SLIT3: variants seen among roughly 807,000 people sequenced by gnomAD.
SLIT3 encodes slit guidance ligand 3, also known as slit homolog 3 protein.
In SLIT3, 68 loss-of-function variants were observed where a neutral mutation model predicts 184.0. That is an observed-to-expected ratio of 0.37 (90% CI 0.30 to 0.45). SLIT3 has a LOEUF of 0.45. Among genes scored for constraint, SLIT3 ranks in the 20% least tolerant of loss-of-function variants. The pLI is 1.00. For missense variants in SLIT3, 1,707 were observed against 2,026.0 expected, an observed-to-expected ratio of 0.84 and a Z score of 3.02; for synonymous variants, 831 against 828.6, an observed-to-expected ratio of 1.00 and a Z score of -0.05.
chr5:168,987,744 C>A (rs1398895466), intron 4 of SLIT3, among the ~76,000 whole-genome samples: 2 of 152,250 alleles, frequency 1.3e-5, no homozygotes, highest in Admixed American at 6.5e-5. Context: ...CACATTCCCA[C>A]TCATGGCCAC....
At chr5:169,010,909 CAAAA>C (rs532475548) in intron 4 of SLIT3, among the ~76,000 whole-genome samples, 29 of 68,342 alleles carry the variant, frequency 4.2e-4, no homozygotes, top group Non-Finnish European at 9.0e-4. Flanking sequence ...ACTCTGTTTC[CAAAA>C]AAAAAAAAAA....
At chr5:169,090,733 C>G (rs1010665416) in intron 4 of SLIT3, among the ~76,000 whole-genome samples, 4 of 152,204 alleles carry the variant, frequency 2.6e-5, no homozygotes, top group Non-Finnish European at 4.4e-5. Context: ...GAAGACAAGA[C>G]AGAGGCCGGA....
chr5:168,701,699 G>A (rs889555155), intron 26 of SLIT3, among the ~76,000 whole-genome samples: 2 of 152,220 alleles, frequency 1.3e-5, no homozygotes, highest in Admixed American at 1.3e-4. Context: ...TTGGCATGGA[G>A]TCCCTTACAG....
intron 12 of SLIT3, among the ~76,000 whole-genome samples, chr5:168,774,837 G>A (rs150732287): frequency 6.6e-6 from 1 of 152,196 alleles, no homozygotes; most frequent in Non-Finnish European, 1.5e-5. Context: ...GAAATCTGAT[G>A]AAAGTTATAT....
At chr5:168,811,461 C>T (rs370836544) in intron 8 of SLIT3, among the ~76,000 whole-genome samples, 1 of 152,324 alleles carries the variant, frequency 6.6e-6, no homozygotes, top group South Asian at 2.1e-4. Flanking sequence ...TTTCTGTCTG[C>T]TCTGCCAAAA....
intron 25 of SLIT3, among the ~76,000 whole-genome samples, chr5:168,709,728 G>A (rs1016507548): frequency 2.0e-5 from 3 of 147,694 alleles, no homozygotes; most frequent in African/African-American, 8.1e-5. Context: ...AAGCCTCTCA[G>A]AGATGAGCAA....
chr5:169,087,424 G>A (rs76457328), intron 4 of SLIT3, among the ~76,000 whole-genome samples: 1 of 152,198 alleles, frequency 6.6e-6, no homozygotes, highest in Non-Finnish European at 1.5e-5. Context: ...TTGTAGGGAT[G>A]TGAGGCAGTG....
intron 4 of SLIT3, among the ~76,000 whole-genome samples, chr5:169,094,543 T>C (rs1001180732): frequency 6.6e-6 from 1 of 152,162 alleles, no homozygotes; most frequent in Admixed American, 6.5e-5. Flanking sequence ...GGCAGGAGAA[T>C]AGCTTGAGCC....
intron 4 of SLIT3, among the ~76,000 whole-genome samples, chr5:168,914,844 T>G (rs1388415507): frequency 6.6e-6 from 1 of 152,116 alleles, no homozygotes. Context: ...ACATGCCCCA[T>G]CTGAGGATGG....
At position 168,684,046 on chromosome 5, in the gene SLIT3, G is replaced by T. The variant is rs747302161; in HGVS notation, c.3606C>A (p.Asp1202Glu). 1 of 1,607,936 alleles carries T rather than the reference G, an allele frequency of 6.2e-7. No homozygotes were observed. The highest frequency in any genetic ancestry group is 1.3e-5 in the African/African-American group (1 of 74,636). Residue 1202 changes from aspartate to glutamate, a missense_variant, in exon 32 of 36, where the codon GAC becomes GAA. Around this residue, in one of 3 missense-constraint regions of SLIT3, gnomAD observed 387 missense variants for 477.9 expected, o/e 0.81. Coordinates refer to ENST00000519560, the MANE Select transcript of SLIT3 (RefSeq NM_003062.4). ...NGILLYKGDN[D>E]PLALELYQGH... The stretch of plus-strand genomic sequence containing the variant: ...CCTGGTACAGCTCCAGTGCCAGGGG[G>T]TCATTGTCTCCTTTGTAGAGAAGGA...
chr5:168,866,373 A>G (rs1759301721), intron 5 of SLIT3, among the ~76,000 whole-genome samples: 1 of 152,204 alleles, frequency 6.6e-6, no homozygotes, highest in Non-Finnish European at 1.5e-5. Flanking sequence ...ACATTCTCCA[A>G]TCCACTGTCA....
In SLIT3 at chr5:168,750,444, G is replaced by A. The variant is rs528715125; in HGVS notation, c.1974-809C>T. 1.1e-4 allele frequency among the ~76,000 whole-genome samples: 17 copies of A among 152,320 alleles called. No homozygotes were observed. In the South Asian group the frequency reaches 1.9e-3, roughly 17 times the overall value. Reference sequence around the variant, plus strand: ...TGAAGCTTGGGGAGCTTATTTAAGCGGGACAGACAGCCCTTGAGTGGCTGT... The same window carrying A: ...TGAAGCTTGGGGAGCTTATTTAAGCAGGACAGACAGCCCTTGAGTGGCTGT... On this transcript the variant is annotated intron_variant, in intron 18 of 35. Coordinates refer to ENST00000519560, the MANE Select transcript of SLIT3 (RefSeq NM_003062.4).
chr5:169,219,020 G>C (rs1480539864), intron 3 of SLIT3, among the ~76,000 whole-genome samples: 5 of 152,174 alleles, frequency 3.3e-5, no homozygotes, highest in Admixed American at 3.3e-4. Context: ...GTTCAAGACA[G>C]ACAAGATTAG....
chr5:169,280,506 G>A (rs909112646), intron 1 of SLIT3, among the ~76,000 whole-genome samples: 16 of 152,192 alleles, frequency 1.1e-4, no homozygotes, highest in African/African-American at 3.9e-4. Flanking sequence ...GTGGGAGTGT[G>A]TGAGCAGCCC....
In SLIT3 at chr5:168,687,105, A is replaced by T; in HGVS notation, c.3188T>A (p.Val1063Asp). The T allele has an allele frequency of 6.2e-7, 1 of 1,613,968 alleles. No individual in the cohort carries two copies. Among genetic ancestry groups the T allele is most frequent in the Non-Finnish European group, 8.5e-7 (1 of 1,179,812 alleles). Residue 1063 changes from valine to aspartate, a missense_variant, in exon 30 of 36, where the codon GTC becomes GAC. Around this residue, in one of 3 missense-constraint regions of SLIT3, gnomAD observed 1,307 missense variants for 1,511.6 expected, o/e 0.86. Transcript: ENST00000519560. ...PLDKGFSCEC[V>D]PGYSGKLCET... is the part of the protein sequence containing the mutation. ...ACAGAGCTTCCCGCTGTAGCCAGGG[A>T]CACACTCGCAGCTGGAACATAGGCA...
rs1369601128 is a variant in SLIT3 at position 169,177,876 on chromosome 5, A to G, written c.413+15603T>C. 2.0e-5 allele frequency among the ~76,000 whole-genome samples: 3 copies of G among 152,126 alleles called. No homozygotes were observed. The East Asian group carries it at 5.8e-4, about 29-fold the overall frequency. ...TTTGGATGGCACTGCCACTCTCCCA[A>G]CAGCAGGATGGAATCCTTAGGGAGT... On this transcript the variant is annotated intron_variant, in intron 4 of 35. Coordinates refer to ENST00000519560, the MANE Select transcript of SLIT3 (RefSeq NM_003062.4).
chr5:168,876,595 C>T (rs967198580), intron 5 of SLIT3, among the ~76,000 whole-genome samples: 16 of 152,164 alleles, frequency 1.1e-4, no homozygotes, highest in African/African-American at 3.9e-4. Flanking sequence ...AATACATTTC[C>T]CCTAGATGAA....
At chr5:169,033,848 C>T (rs1255466988) in intron 4 of SLIT3, among the ~76,000 whole-genome samples, 2 of 137,042 alleles carry the variant, frequency 1.5e-5, no homozygotes, top group Non-Finnish European at 3.1e-5. Flanking sequence ...GAGTCTCACT[C>T]TGTCACCAGG....
chr5:169,068,126 G>A (rs1369880328), intron 4 of SLIT3, among the ~76,000 whole-genome samples: 2 of 152,060 alleles, frequency 1.3e-5, no homozygotes, highest in Non-Finnish European at 2.9e-5. Flanking sequence ...CACCAGTCAA[G>A]CTGATAAGCA....
Sources: gnomAD v4.1 joint callset for allele counts (sites outside exome capture counted in the v4.1 genomes callset) on GRCh38, gnomAD v4.1.1 for gene constraint, gnomAD v4.1.1 regional missense constraint, MANE v1.5 for transcripts, NCBI Gene and HGNC (gene_info 2026-07-23, HGNC 2026-07-21) for gene names.